The following ADGRL2 variants were observed in gnomAD, a reference collection of about 807,000 sequenced individuals.
The protein encoded by ADGRL2 is calcium-independent alpha-latrotoxin receptor 2.
In ADGRL2, 44 loss-of-function variants were observed where a neutral mutation model predicts 157.4. The observed-to-expected ratio is 0.28, with a 90% CI of 0.22 to 0.36. ADGRL2 has a LOEUF of 0.36. Among genes scored for constraint, ADGRL2 ranks in the 10% least tolerant of loss-of-function variants. The pLI, the probability that ADGRL2 is intolerant of heterozygous loss-of-function variation, is 1.00. For synonymous variants in ADGRL2, 585 were observed against 624.7 expected, an observed-to-expected ratio of 0.94 and a Z score of 0.95; for missense variants, 1,510 against 1,768.9, an observed-to-expected ratio of 0.85 and a Z score of 2.63.
intron 2 of ADGRL2, among the ~76,000 whole-genome samples, chr1:81,844,095 C>T (rs567382220): frequency 7.9e-5 from 12 of 151,972 alleles, no homozygotes; most frequent in Admixed American, 2.0e-4. Flanking sequence ...ACAGAAAAGA[C>T]CATATCAAAT....
At chr1:81,431,818 G>T (rs1365555404) in intron 1 of ADGRL2, among the ~76,000 whole-genome samples, 2 of 152,190 alleles carry the variant, frequency 1.3e-5, no homozygotes, top group Non-Finnish European at 1.5e-5. Context: ...CAGAAAGGAT[G>T]AATACCTTGC....
intron 3 of ADGRL2, among the ~76,000 whole-genome samples, chr1:81,584,501 T>C (rs2080983340): frequency 6.6e-6 from 1 of 152,172 alleles, no homozygotes; most frequent in Non-Finnish European, 1.5e-5. Context: ...TTGTCTAATG[T>C]ATGAAAGCAC....
At chr1:81,627,917 T>C (rs1009493890) in intron 3 of ADGRL2, among the ~76,000 whole-genome samples, 1 of 152,334 alleles carries the variant, frequency 6.6e-6, no homozygotes, top group Non-Finnish European at 1.5e-5. Context: ...GGAGCCATCC[T>C]TGACTAGTTG....
Position 81,951,965 on chromosome 1 carries a change from C to A in ADGRL2, c.1617C>A (p.Ser539Arg). The part of the protein sequence containing the change: ...WVNQLAQKIR[S>R]GENAASLANE... Reference sequence around the variant, plus strand: ...ACAAATTGTTTTTTCAGATCAGAAGCGGAGAAAATGCTGCTAGTCTTGCCA... The same window carrying A: ...ACAAATTGTTTTTTCAGATCAGAAGAGGAGAAAATGCTGCTAGTCTTGCCA... Residue 539 changes from serine (S) to arginine (R), a missense_variant, in exon 9 of 24, where the codon AGC becomes AGA. By Grantham distance (110) the Ser-to-Arg change is moderately radical. Around this residue, in one of 4 missense-constraint regions of ADGRL2, gnomAD observed 325 missense variants for 333.2 expected, o/e 0.98. Coordinates refer to ENST00000686636, the MANE Select transcript of ADGRL2 (RefSeq NM_001366006.2). 3 of 1,600,424 alleles carry A rather than the reference C, an allele frequency of 1.9e-6. No individual in the cohort carries two copies. The highest frequency in any genetic ancestry group is 2.6e-6 in the Non-Finnish European group (3 of 1,173,494).
chr1:81,339,333 C>A (rs1661888757), intron 1 of ADGRL2, among the ~76,000 whole-genome samples: 1 of 152,152 alleles, frequency 6.6e-6, no homozygotes, highest in East Asian at 1.9e-4. Flanking sequence ...ATCTGATTCC[C>A]AATGCCTTGC....
chr1:81,979,862 A>G lies in ADGRL2; in HGVS notation c.3022-7A>G. 2.6e-6 allele frequency: 4 copies of G among 1,550,588 alleles called. No individual in the cohort carries two copies. The highest frequency in any genetic ancestry group is 3.6e-6 in the Non-Finnish European group (4 of 1,124,382). On this transcript the variant is annotated splice_polypyrimidine_tract_variant and splice_region_variant and intron_variant, in intron 17 of 23. Coordinates refer to ENST00000686636, the MANE Select transcript of ADGRL2 (RefSeq NM_001366006.2). Reference sequence around the variant, plus strand: ...ATTGTGGTCTAATTCTTTATTTGTTACAACAGCTAAATATTATCTTCTTGG... The same window carrying G: ...ATTGTGGTCTAATTCTTTATTTGTTGCAACAGCTAAATATTATCTTCTTGG...
chr1:81,585,178 GTA>G lies in ADGRL2; in HGVS notation c.-143+4200_-143+4201del, dbSNP rs554629896. 1.3e-4 allele frequency among the ~76,000 whole-genome samples: 20 copies of G among 152,212 alleles called. No individual in the cohort carries two copies. In the South Asian group the frequency reaches 3.9e-3, roughly 30 times the overall value. On this transcript the variant is annotated intron_variant, in intron 3 of 24. Transcript: ENST00000370721. ...AGCTTTTGTTGGTGAATCTTAAACT[GTA>G]TGATCTATCTAGACTCACATAAGGA...
chr1:81,877,571 T>C (rs1468127180), intron 2 of ADGRL2, among the ~76,000 whole-genome samples: 1 of 152,118 alleles, frequency 6.6e-6, no homozygotes, highest in Admixed American at 6.6e-5. Context: ...TAGTTTGACC[T>C]GAATGAACCA....
chr1:81,396,358 A>G (rs1014059326), intron 1 of ADGRL2, among the ~76,000 whole-genome samples: 1 of 152,110 alleles, frequency 6.6e-6, no homozygotes, highest in African/African-American at 2.4e-5. Flanking sequence ...GTATCTTGCA[A>G]CTTTACTAAA....
chr1:81,567,832 A>G (rs894247256), intron 2 of ADGRL2, among the ~76,000 whole-genome samples: 1 of 152,126 alleles, frequency 6.6e-6, no homozygotes, highest in Admixed American at 6.6e-5. Flanking sequence ...GCTTCACTCT[A>G]TTGGGAAAAA....
At chr1:81,874,468 T>A (rs926179238) in intron 2 of ADGRL2, among the ~76,000 whole-genome samples, 1 of 152,176 alleles carries the variant, frequency 6.6e-6, no homozygotes, top group African/African-American at 2.4e-5. Context: ...TTAATGAAAT[T>A]AGTCATAAAT....
chr1:81,562,185 G>A (rs535927518), intron 2 of ADGRL2, among the ~76,000 whole-genome samples: 2 of 152,216 alleles, frequency 1.3e-5, no homozygotes, highest in South Asian at 2.1e-4. Context: ...GTAGGGAGGG[G>A]AAACTAAATT....
chr1:81,728,456 A>T (rs2084612605), intron 1 of ADGRL2, among the ~76,000 whole-genome samples: 1 of 152,186 alleles, frequency 6.6e-6, no homozygotes, highest in Non-Finnish European at 1.5e-5. Context: ...AAATAGAGAA[A>T]CCTAGATAAC....
Position 81,421,558 on chromosome 1 carries a change from C to A in ADGRL2, c.-301-23478C>A, listed in dbSNP as rs1486970710. Among the ~76,000 whole-genome samples, 5 of 152,168 alleles carry A rather than the reference C, an allele frequency of 3.3e-5. No individual in the cohort carries two copies. In the South Asian group the frequency reaches 8.3e-4, roughly 25 times the overall value. ...ATGGTCTTTCTTTACCTTTATACTG[C>A]ATGTGCTTTCAAGGTGCTTTGCTCC... On this transcript the variant is annotated intron_variant, in intron 1 of 24. Coordinates refer to the ADGRL2 transcript ENST00000370721.
intron 3 of ADGRL2, among the ~76,000 whole-genome samples, chr1:81,643,335 C>A (rs1557530778): frequency 6.6e-6 from 1 of 152,114 alleles, no homozygotes; most frequent in Non-Finnish European, 1.5e-5. Context: ...TTTTTTGAGA[C>A]AGGGTCTCGC....
At chr1:81,979,756 A>T (rs1438631633) in intron 17 of ADGRL2, 113 bp from the exon 18 acceptor site, 11 of 608,646 alleles carry the variant, frequency 1.8e-5, no homozygotes, top group Non-Finnish European at 2.9e-5. Flanking sequence ...TTGCATACAT[A>T]AAAAAAATTA....
intron 2 of ADGRL2, among the ~76,000 whole-genome samples, chr1:81,520,495 C>T (rs2079287849): frequency 6.6e-6 from 1 of 152,102 alleles, no homozygotes; most frequent in African/African-American, 2.4e-5. Context: ...CCCATAATCC[C>T]TACATGTAAA....
chr1:81,732,927 T>C (rs1270826278), intron 1 of ADGRL2, among the ~76,000 whole-genome samples: 1 of 152,216 alleles, frequency 6.6e-6, no homozygotes, highest in Admixed American at 6.5e-5. Context: ...GGTTTTTATT[T>C]TGAAGAAATT....
chr1:81,347,532 G>T (rs923972183), intron 1 of ADGRL2, among the ~76,000 whole-genome samples: 1 of 152,172 alleles, frequency 6.6e-6, no homozygotes, highest in Non-Finnish European at 1.5e-5. Flanking sequence ...GGTAGAACTT[G>T]CAAGCAATGC....
Sources: gnomAD v4.1 joint callset for allele counts (sites outside exome capture counted in the v4.1 genomes callset) on GRCh38, gnomAD v4.1.1 for gene constraint, gnomAD v4.1.1 regional missense constraint, MANE v1.5 for transcripts, NCBI Gene and HGNC (gene_info 2026-07-23, HGNC 2026-07-21) for gene names.